Variants in SLC9A3 observed in about 807,000 individuals in gnomAD.
The protein encoded by SLC9A3 is sodium/hydrogen exchanger 3.
A neutral mutation model predicts 86.8 loss-of-function variants in SLC9A3; 37 were observed. The ratio of observed to expected loss-of-function variants is 0.43; its 90% confidence interval spans 0.33 to 0.56. SLC9A3 has a LOEUF of 0.56. Ranked by LOEUF, SLC9A3 falls within the 20% of genes least tolerant of loss-of-function variation. The probability of loss-of-function intolerance (pLI) is 0.06; values close to 1 mark genes in which losing one functional copy is unlikely to be tolerated. For synonymous variants in SLC9A3, 581 were observed against 528.3 expected (o/e 1.10, Z -1.37); for missense variants, 1,011 against 1,171.9 (o/e 0.86, Z 2.00).
rs1739378701 is a variant in SLC9A3 at position 484,612 on chromosome 5, C to T, written c.840G>A (p.Lys280=). ...FLLSLVTRFT[K]HVRIIEPGFV... ...AGCCGGGCTCGATGATACGCACATG[C>T]TTGGTGAAGCGCGTCACCAGCGACA... Residue 280 remains lysine, a synonymous_variant, in exon 5 of 17, where the codon AAG becomes AAA. Coordinates refer to ENST00000264938, the MANE Select transcript of SLC9A3 (RefSeq NM_004174.4). 6.2e-7 allele frequency: 1 copy of T among 1,613,160 alleles called. No homozygotes were observed. Among genetic ancestry groups the T allele is most frequent in the Non-Finnish European group, 8.5e-7 (1 of 1,179,938 alleles).
In SLC9A3 at chr5:472,522, G is replaced by A. The variant is rs1738418837; in HGVS notation, c.*857C>T. 2 of 339,948 alleles carry A rather than the reference G, an allele frequency of 5.9e-6. No individual in the cohort carries two copies. Among genetic ancestry groups the A allele is most frequent in the African/African-American group, 2.3e-5 (1 of 44,414 alleles). The allele number at this position is 339,948 out of a possible 1,614,324, so 21.1% of individuals were successfully genotyped here. A position where few individuals can be genotyped will look rare whatever the true frequency, so the allele number is the denominator to read the frequency against. The stretch of plus-strand genomic sequence containing the variant: ...CGCGCCAGGTGCGACAGCTCAGGCC[G>A]GAGACCTCGTCTGTGGGGACGGGCC... On this transcript the variant is annotated 3_prime_UTR_variant, in exon 17 of 17. Transcript: ENST00000264938.
In SLC9A3 at chr5:491,836, C is replaced by T. The variant is rs1379151904; in HGVS notation, c.447G>A (p.Val149=). The T allele has an allele frequency of 6.3e-7, 1 of 1,599,714 alleles. No homozygotes were observed. The highest frequency in any genetic ancestry group is 1.1e-5 in the South Asian group (1 of 88,914). The change falls in exon 2 of 17, where the codon GTG becomes GTA. Residue 149 remains valine (V), a synonymous_variant. Coordinates refer to ENST00000264938, the MANE Select transcript of SLC9A3 (RefSeq NM_004174.4). This position sits in a 1 kb window ranked among gnomAD's most constrained non-coding sequence, Gnocchi z 9.2. ...TGGTGGCCGCGTTCCACACGGTACC[C>T]ACGACGGCGTACAACAGGATGGTCC... ...NLGTILLYAV[V]GTVWNAATTG... is the part of the protein sequence containing the mutation.
At chr5:519,080 C>T (rs746149963) in intron 1 of SLC9A3, among the ~76,000 whole-genome samples, 1 of 152,184 alleles carries the variant, frequency 6.6e-6, no homozygotes, top group Non-Finnish European at 1.5e-5. Flanking sequence ...GAAAATGAAA[C>T]TTCACCCCTT....
At chr5:510,128 C>G (rs922342096) in intron 1 of SLC9A3, among the ~76,000 whole-genome samples, 1 of 152,196 alleles carries the variant, frequency 6.6e-6, no homozygotes, top group African/African-American at 2.4e-5. Flanking sequence ...GTGCTTGGGC[C>G]CCTGGCGGAG....
chr5:492,033 C>A lies in SLC9A3; in HGVS notation c.250G>T (p.Glu84Ter). 1 of 1,547,970 alleles carries A rather than the reference C, an allele frequency of 6.5e-7. No homozygotes were observed. Among genetic ancestry groups the A allele is most frequent in the Non-Finnish European group, 8.7e-7 (1 of 1,143,744 alleles). Residue 84 changes from glutamate (E) to a stop codon, truncating the protein, a stop_gained, in exon 2 of 17, where the codon GAG (glutamate) becomes TAG (stop). Transcript: ENST00000264938. LOFTEE classifies it high-confidence loss of function. ...CCCAGCACGATGAGCAGGGCGCTCT[C>A]GGGAACCACGCTGGTGACCTTGTGG... ...LSHKVTSVVP[E>*]SALLIVLGLV...
chr5:500,098 C>T (rs1436361164), intron 1 of SLC9A3, among the ~76,000 whole-genome samples: 25 of 152,252 alleles, frequency 1.6e-4, no homozygotes, highest in Admixed American at 1.6e-3. Flanking sequence ...GCACTGACTG[C>T]GGCAACCCCG....
At position 485,165 on chromosome 5, in the gene SLC9A3, C is replaced by G; in HGVS notation, c.742G>C (p.Val248Leu). 6.2e-7 allele frequency: 1 copy of G among 1,613,388 alleles called. No homozygotes were observed. The highest frequency in any genetic ancestry group is 8.5e-7 in the Non-Finnish European group (1 of 1,179,482). Reference sequence around the variant, plus strand: ...CACAGCTACACACCTATGCCCTTCACGCAGTCCACGCCAGTCACGTTGTCA... The same window carrying G: ...CACAGCTACACACCTATGCCCTTCAGGCAGTCCACGCCAGTCACGTTGTCA... The part of the protein sequence containing the change: ...GGDNVTGVDC[V>L]KGIVSFFVVS... Residue 248 changes from valine (V) to leucine (L), a missense_variant, in exon 4 of 17, where the codon GTG (valine) becomes CTG (leucine). Physicochemically the swap from Val to Leu is conservative, Grantham distance 32. Transcript: ENST00000264938.
At chr5:511,337 T>G (rs983228916) in intron 1 of SLC9A3, among the ~76,000 whole-genome samples, 1 of 152,186 alleles carries the variant, frequency 6.6e-6, no homozygotes, top group African/African-American at 2.4e-5. Context: ...AATTGGTAAG[T>G]TGGACTTTAT....
At chr5:484,387 C>G in intron 5 of SLC9A3, 133 bp downstream of exon 5, 1 of 334,776 alleles carries the variant, frequency 3.0e-6, no homozygotes, top group Non-Finnish European at 5.1e-6. Context: ...TGGCTCGCCC[C>G]GCCGGACCCA....
rs1380976731 is a variant in SLC9A3 at position 470,725 on chromosome 5, T to C, written c.*2654A>G. Reference sequence around the variant, plus strand: ...TTTAAAATATTTTGATGAAATTCTTTGCTTTCACAATAGAAGATCAATGGT... The same window carrying C: ...TTTAAAATATTTTGATGAAATTCTTCGCTTTCACAATAGAAGATCAATGGT... On this transcript the variant is annotated 3_prime_UTR_variant, in exon 17 of 17. Coordinates refer to ENST00000264938, the MANE Select transcript of SLC9A3 (RefSeq NM_004174.4). 1 of 152,336 alleles carries C rather than the reference T, an allele frequency of 6.6e-6. No homozygotes were observed. Among genetic ancestry groups the C allele is most frequent in the East Asian group, 1.9e-4 (1 of 5,284 alleles). The allele number at this position is 152,336 out of a possible 1,614,324, so 9.4% of individuals were successfully genotyped here.
intron 15 of SLC9A3, 129 bp from the exon 16 acceptor site, chr5:475,261 C>T (rs1397590983): frequency 2.1e-6 from 2 of 961,898 alleles, no homozygotes; most frequent in African/African-American, 1.6e-5. Context: ...GGTCACGTGC[C>T]TTTCAGGTTG....
At chr5:484,854 T>C (rs1739391586) in intron 4 of SLC9A3, among the ~76,000 whole-genome samples, 157 bp from the exon 5 acceptor site, 1 of 152,274 alleles carries the variant, frequency 6.6e-6, no homozygotes, top group African/African-American at 2.4e-5. Context: ...CCAGCCTTGG[T>C]TCAGCAAGTG....
intron 1 of SLC9A3, among the ~76,000 whole-genome samples, chr5:522,577 T>C (rs1169158162): frequency 1.3e-5 from 2 of 151,746 alleles, no homozygotes; most frequent in African/African-American, 2.4e-5. Flanking sequence ...CTGACCAACA[T>C]GGAGAAACCC....
chr5:522,248 C>T (rs1040249945), intron 1 of SLC9A3, among the ~76,000 whole-genome samples: 3 of 152,238 alleles, frequency 2.0e-5, no homozygotes, highest in Non-Finnish European at 2.9e-5. Context: ...CCCTCAAGGA[C>T]GTCTTCCCAG....
rs937694719 is a variant in SLC9A3 at position 498,112 on chromosome 5, G to A, written c.212-6041C>T. ...CTCCTGGACGTCTCTCGGACCTTTC[G>A]CTCTGACAGTGGCTTGAGCCTCGGC... On this transcript the variant is annotated intron_variant, in intron 1 of 16. Transcript: ENST00000264938. Among the ~76,000 whole-genome samples, 6 of 152,200 alleles carry A rather than the reference G, an allele frequency of 3.9e-5. No homozygotes were observed. In the East Asian group the frequency reaches 9.7e-4, roughly 25 times the overall value.
chr5:504,946 G>A (rs1207056818), intron 1 of SLC9A3, among the ~76,000 whole-genome samples: 1 of 151,762 alleles, frequency 6.6e-6, no homozygotes, highest in East Asian at 2.0e-4. Context: ...GGGCACAGTG[G>A]CCACGTGGGC....
rs986268764 is a variant in SLC9A3, at chr5:470,496, G to T, written c.*2883C>A. 1 of 152,334 alleles carries T rather than the reference G, an allele frequency of 6.6e-6. No homozygotes were observed. The highest frequency in any genetic ancestry group is 1.5e-5 in the Non-Finnish European group (1 of 68,032). 9.4% of individuals were successfully genotyped at this position (152,334 alleles called of 1,614,324 possible). A position where few individuals can be genotyped will look rare whatever the true frequency, so the allele number is the denominator to read the frequency against. ...TGGATATTTCTCTTTTATAAACAAA[G>T]TTTGCACCCAAAATGCCTTGAAATG... On this transcript the variant is annotated 3_prime_UTR_variant, in exon 17 of 17. Transcript: ENST00000264938.
chr5:480,123 C>T (rs1413037312), intron 9 of SLC9A3, 158 bp from the exon 10 acceptor site: 11 of 715,182 alleles, frequency 1.5e-5, no homozygotes, highest in Admixed American at 5.9e-5. Flanking sequence ...ACGCCCAGGC[C>T]GTCCGCCGTT....
rs372370783 is a variant in SLC9A3, at chr5:488,770, A to G, written c.515-294T>C. ...AACGGAGGCAGGTGGGTGCAGGGGC[A>G]CCGCATGCTGGGGAGGGATGGGGGC... On this transcript the variant is annotated intron_variant, in intron 2 of 16. Coordinates refer to ENST00000264938, the MANE Select transcript of SLC9A3 (RefSeq NM_004174.4). Among the ~76,000 whole-genome samples the G allele has an allele frequency of 2.4e-3, 370 of 152,298 alleles. 1 individual carries two copies. The highest frequency in any genetic ancestry group is 8.4e-3 in the African/African-American group (351 of 41,578).
Sources: gnomAD v4.1 joint callset for allele counts (sites outside exome capture counted in the v4.1 genomes callset) on GRCh38, gnomAD v4.1.1 for gene constraint, Gnocchi (gnomAD v3.1) non-coding constraint, MANE v1.5 for transcripts, NCBI Gene and HGNC (gene_info 2026-07-23, HGNC 2026-07-21) for gene names.